Variants in SLC14A2 observed in about 807,000 individuals in gnomAD.
SLC14A2 encodes the protein solute carrier family 14 member 2.
SLC14A2 carries 91 observed loss-of-function variants against 104.6 expected under a neutral mutation model. That is an observed-to-expected ratio of 0.87 (90% CI 0.73 to 1.04). The LOEUF is 1.04. SLC14A2 is among the 50% of genes least tolerant of loss of function. The pLI, the probability that SLC14A2 is intolerant of heterozygous loss-of-function variation, is 0.00. For synonymous variants in SLC14A2, 476 were observed against 466.4 expected (o/e 1.02, Z -0.27); for missense variants, 1,189 against 1,156.0 (o/e 1.03, Z -0.41).
intron 1 of SLC14A2, among the ~76,000 whole-genome samples, chr18:45,384,525 A>G (rs903547444): frequency 6.6e-6 from 1 of 152,130 alleles, no homozygotes; most frequent in African/African-American, 2.4e-5. Flanking sequence ...CCCCTGAGTC[A>G]CCCCCAACCT....
At chr18:45,673,940 T>A (rs2046184828) in intron 18 of SLC14A2, 123 bp downstream of exon 18, 1 of 1,013,060 alleles carries the variant, frequency 9.9e-7, no homozygotes, top group East Asian at 2.6e-5. Context: ...CACTGAATAC[T>A]CAACGTTCAG....
intron 1 of SLC14A2, among the ~76,000 whole-genome samples, chr18:45,309,557 C>CT (rs1236482578): frequency 6.6e-6 from 1 of 151,956 alleles, no homozygotes; most frequent in Non-Finnish European, 1.5e-5. Flanking sequence ...CAACCCCTGA[C>CT]TTTTTTACAG....
intron 18 of SLC14A2, among the ~76,000 whole-genome samples, chr18:45,676,795 T>G (rs1017038104): frequency 1.3e-5 from 2 of 152,166 alleles, no homozygotes; most frequent in South Asian, 4.1e-4. Flanking sequence ...GATATTAATA[T>G]CCCCATTTCA....
chr18:45,274,124 A>G (rs2084678029), intron 1 of SLC14A2, among the ~76,000 whole-genome samples: 1 of 152,110 alleles, frequency 6.6e-6, no homozygotes, highest in Non-Finnish European at 1.5e-5. Flanking sequence ...AACTTGACCA[A>G]CAATGACACC....
At chr18:45,324,076 C>T (rs1227559221) in intron 1 of SLC14A2, among the ~76,000 whole-genome samples, 1 of 152,072 alleles carries the variant, frequency 6.6e-6, no homozygotes, top group Admixed American at 6.5e-5. Flanking sequence ...GGGTATATGC[C>T]CATCTATTAA....
intron 1 of SLC14A2, among the ~76,000 whole-genome samples, chr18:45,426,454 T>G (rs1598795157): frequency 6.7e-6 from 1 of 149,046 alleles, no homozygotes; most frequent in African/African-American, 2.5e-5. Context: ...GGTACCTGTT[T>G]GTTTGTTTAT....
chr18:45,421,476 G>C (rs1598786561), intron 1 of SLC14A2, among the ~76,000 whole-genome samples: 1 of 152,336 alleles, frequency 6.6e-6, no homozygotes, highest in African/African-American at 2.4e-5. Context: ...TGTACCAGCA[G>C]AGAGGAGTGT....
chr18:45,633,309 T>C (rs1334853878), intron 5 of SLC14A2, among the ~76,000 whole-genome samples: 1 of 152,222 alleles, frequency 6.6e-6, no homozygotes, highest in Non-Finnish European at 1.5e-5. Flanking sequence ...ACCTAAAAGC[T>C]GAAAACCTGC....
chr18:45,653,597 C>T (rs1196936331), intron 10 of SLC14A2, among the ~76,000 whole-genome samples: 3 of 152,172 alleles, frequency 2.0e-5, no homozygotes, highest in Non-Finnish European at 4.4e-5. Context: ...CCTATGGCCT[C>T]ATGGGACTTG....
chr18:45,281,209 G>A (rs1479901299), intron 1 of SLC14A2, among the ~76,000 whole-genome samples: 1 of 152,066 alleles, frequency 6.6e-6, no homozygotes, highest in African/African-American at 2.4e-5. Context: ...ATTTTTCTGG[G>A]GGTTAACAGT....
At chr18:45,393,909 GA>G (rs2085999930) in intron 1 of SLC14A2, among the ~76,000 whole-genome samples, 1 of 152,246 alleles carries the variant, frequency 6.6e-6, no homozygotes, top group African/African-American at 2.4e-5. Flanking sequence ...CACAGAAGAG[GA>G]AACAGACACC....
chr18:45,596,781 T>C (rs1321844304), intron 2 of SLC14A2, among the ~76,000 whole-genome samples: 3 of 152,214 alleles, frequency 2.0e-5, no homozygotes, highest in Non-Finnish European at 4.4e-5. Context: ...TTAATACAGC[T>C]ACAAAGTACC....
chr18:45,611,059 C>A (rs1026623594), upstream of SLC14A2, among the ~76,000 whole-genome samples: 1 of 152,166 alleles, frequency 6.6e-6, no homozygotes, highest in Non-Finnish European at 1.5e-5. Context: ...AGAACTAGGG[C>A]CCATCAGCTG....
At chr18:45,447,849 C>A (rs1186949689) in intron 1 of SLC14A2, among the ~76,000 whole-genome samples, 1 of 152,166 alleles carries the variant, frequency 6.6e-6, no homozygotes, top group East Asian at 1.9e-4. Context: ...GCAGTGCAGC[C>A]TTTTGCATGC....
chr18:45,538,162 T>C (rs972800902), intron 2 of SLC14A2, among the ~76,000 whole-genome samples: 2 of 152,086 alleles, frequency 1.3e-5, no homozygotes, highest in Non-Finnish European at 2.9e-5. Flanking sequence ...GAGAATCAGA[T>C]CAAATCCAGA....
intron 2 of SLC14A2, among the ~76,000 whole-genome samples, chr18:45,570,065 C>A (rs1391038691): frequency 6.6e-6 from 1 of 152,122 alleles, no homozygotes; most frequent in Admixed American, 6.6e-5. Flanking sequence ...GAAAAAGTGT[C>A]TTTCATCCTA....
chr18:45,178,593 T>A, the SLC14A2 span, among the ~76,000 whole-genome samples: 367 of 152,314 alleles, frequency 2.4e-3, 2 homozygotes, highest in African/African-American at 8.6e-3. Flanking sequence ...ATAATTGGAA[T>A]AGAATCACTA....
upstream of SLC14A2, among the ~76,000 whole-genome samples, chr18:45,209,180 CAAAAA>C (rs71372700): frequency 2.4e-5 from 2 of 83,868 alleles, no homozygotes; most frequent in East Asian, 3.4e-4. Flanking sequence ...ATTAAAAATA[CAAAAA>C]AAAAAAAAAA....
intron 2 of SLC14A2, among the ~76,000 whole-genome samples, chr18:45,603,914 CTATG>C (rs1410111079): frequency 1.3e-5 from 2 of 152,204 alleles, no homozygotes; most frequent in Non-Finnish European, 2.9e-5. Flanking sequence ...TTTAACAAAA[CTATG>C]TATTTGAAGA....
Sources: allele counts gnomAD v4.1 joint callset (sites outside exome capture counted in the v4.1 genomes callset), GRCh38; gene constraint gnomAD v4.1.1; transcripts MANE v1.5; gene names NCBI Gene and HGNC (gene_info 2026-07-23, HGNC 2026-07-21).